The following ANKRD30B variants were observed in gnomAD, a reference collection of about 807,000 sequenced individuals.
ANKRD30B encodes ankyrin repeat domain-containing protein 30B.
In ANKRD30B, 144 loss-of-function variants were observed where a neutral mutation model predicts 202.2. The ratio of observed to expected loss-of-function variants is 0.71; its 90% confidence interval spans 0.62 to 0.82. The LOEUF is 0.82. ANKRD30B is among the 40% of genes least tolerant of loss of function. The pLI, the probability that ANKRD30B is intolerant of heterozygous loss-of-function variation, is 0.00. For missense variants in ANKRD30B, 1,487 were observed against 1,669.1 expected (o/e 0.89, Z 1.90); for synonymous variants, 508 against 561.3 (o/e 0.91, Z 1.34).
chr18:14,843,553 CTGTGTGTGTGTGTGTGTG>C (rs56044501), intron 39 of ANKRD30B, among the ~76,000 whole-genome samples: 2 of 145,376 alleles, frequency 1.4e-5, no homozygotes, highest in African/African-American at 5.1e-5. Flanking sequence ...AGCTTACTTT[CTGTGTGTGTGTGTGTGTG>C]TGTGTGTGTG....
chr18:14,842,098 GT>G (rs1272019175), intron 37 of ANKRD30B, among the ~76,000 whole-genome samples: 3 of 151,840 alleles, frequency 2.0e-5, no homozygotes, highest in East Asian at 1.9e-4. Flanking sequence ...TTCTAAAATT[GT>G]TTTTTAAAAT....
chr18:14,918,795 C>G, the ANKRD30B span, among the ~76,000 whole-genome samples: 1 of 152,162 alleles, frequency 6.6e-6, no homozygotes, highest in African/African-American at 2.4e-5. Flanking sequence ...TTCAAAATTC[C>G]TAATTTGAAA....
the ANKRD30B span, among the ~76,000 whole-genome samples, chr18:14,930,281 T>C: frequency 1.3e-5 from 2 of 151,346 alleles, no homozygotes; most frequent in African/African-American, 2.4e-5. Flanking sequence ...AGTGAGGCCT[T>C]CCTTGAGTGA....
chr18:14,923,373 C>G, the ANKRD30B span, among the ~76,000 whole-genome samples: 3 of 152,188 alleles, frequency 2.0e-5, no homozygotes, highest in African/African-American at 7.2e-5. Context: ...CCTGGCAGTA[C>G]TCCCTGTGTG....
At chr18:14,751,151 AAC>A (rs1913378693) in intron 1 of ANKRD30B, among the ~76,000 whole-genome samples, 1 of 151,956 alleles carries the variant, frequency 6.6e-6, no homozygotes, top group Non-Finnish European at 1.5e-5. Context: ...CATTTTATTA[AAC>A]ACATTTTTAT....
the ANKRD30B span, among the ~76,000 whole-genome samples, chr18:14,916,402 A>G: frequency 6.6e-6 from 1 of 152,222 alleles, no homozygotes; most frequent in East Asian, 1.9e-4. Context: ...TGAGGAGGAT[A>G]CCACTTTACA....
intron 7 of ANKRD30B, among the ~76,000 whole-genome samples, chr18:14,768,848 G>T (rs139049076): frequency 6.6e-6 from 1 of 152,098 alleles, no homozygotes; most frequent in Non-Finnish European, 1.5e-5. Context: ...TTTTCTGTCC[G>T]TCTTACAGGA....
intron 5 of ANKRD30B, among the ~76,000 whole-genome samples, chr18:14,758,571 T>C (rs1914748495): frequency 6.6e-6 from 1 of 152,194 alleles, no homozygotes; most frequent in Non-Finnish European, 1.5e-5. Flanking sequence ...CACATACATA[T>C]TCTCAGCCAT....
chr18:14,757,247 T>A (rs142758598), intron 4 of ANKRD30B, among the ~76,000 whole-genome samples: 1 of 152,318 alleles, frequency 6.6e-6, no homozygotes, highest in East Asian at 1.9e-4. Flanking sequence ...ACTTGATAGG[T>A]GTGACCTTGC....
chr18:14,843,975 T>C (rs1318911149), intron 39 of ANKRD30B, among the ~76,000 whole-genome samples: 1 of 152,356 alleles, frequency 6.6e-6, no homozygotes, highest in Non-Finnish European at 1.5e-5. Context: ...TTAAAAATTA[T>C]ACAACATATG....
chr18:14,833,074 C>T (rs1485716147), intron 34 of ANKRD30B, among the ~76,000 whole-genome samples: 1 of 151,766 alleles, frequency 6.6e-6, no homozygotes, highest in East Asian at 1.9e-4. Context: ...GTAGCTGGGA[C>T]AGCAGGTTCA....
At chr18:14,933,493 G>A in the ANKRD30B span, among the ~76,000 whole-genome samples, 1 of 152,052 alleles carries the variant, frequency 6.6e-6, no homozygotes, top group Non-Finnish European at 1.5e-5. Context: ...GGGACTGCAG[G>A]GAGCAAGGGC....
chr18:14,850,612 T>C (rs912083581), intron 41 of ANKRD30B, among the ~76,000 whole-genome samples: 11 of 151,802 alleles, frequency 7.2e-5, no homozygotes, highest in Admixed American at 2.0e-4. Context: ...ATCCCTACCA[T>C]ATACTTAGTG....
the ANKRD30B span, among the ~76,000 whole-genome samples, chr18:14,934,908 C>CCACACACACACACACA: frequency 2.3e-4 from 31 of 134,684 alleles, no homozygotes; most frequent in African/African-American, 9.2e-4. Context: ...CCTCCCTCTA[C>CCACACACACACACACA]CACACACACA....
Position 14,782,787 on chromosome 18 carries a change from T to C in ANKRD30B, c.1570+173T>C, listed in dbSNP as rs573756042. Among the ~76,000 whole-genome samples, 6 of 152,052 alleles carry C rather than the reference T, an allele frequency of 3.9e-5. No individual in the cohort carries two copies. In the South Asian group the frequency reaches 1.2e-3, roughly 32 times the overall value. ...TTCAGGTGTTGGCAACAGGAATATA[T>C]AGAGAGTGCAAGAAAAAAACCGAAT... On this transcript the variant is annotated intron_variant, in intron 12 of 43. Transcript: ENST00000690538.
chr18:14,891,976 AAAGT>A, the ANKRD30B span, among the ~76,000 whole-genome samples: 7 of 152,370 alleles, frequency 4.6e-5, no homozygotes, highest in South Asian at 1.4e-3. Context: ...GGTTGGTGCA[AAAGT>A]AATTGTGGCT....
the ANKRD30B span, among the ~76,000 whole-genome samples, chr18:14,878,119 C>T: frequency 6.6e-6 from 1 of 152,182 alleles, no homozygotes; most frequent in Non-Finnish European, 1.5e-5. Flanking sequence ...CCTACCAGCT[C>T]ATCTTGACCG....
At chr18:14,803,665 G>C in intron 23 of ANKRD30B, 69 bp from the exon 24 acceptor site, 1 of 1,481,476 alleles carries the variant, frequency 6.8e-7, no homozygotes, top group Non-Finnish European at 9.2e-7. Context: ...ATTTTAATTA[G>C]GAACTTTTGA....
At chr18:14,875,951 A>G in the ANKRD30B span, among the ~76,000 whole-genome samples, 1 of 152,126 alleles carries the variant, frequency 6.6e-6, no homozygotes, top group Non-Finnish European at 1.5e-5. Context: ...ATCATAGTAG[A>G]GGCCCCATAG....
Sources: allele counts gnomAD v4.1 joint callset (sites outside exome capture counted in the v4.1 genomes callset), GRCh38; gene constraint gnomAD v4.1.1; transcripts MANE v1.5; gene names NCBI Gene and HGNC (gene_info 2026-07-23, HGNC 2026-07-21).